Variants in SLFN12L observed in about 807,000 individuals in gnomAD.
SLFN12L encodes the protein schlafen family member 12-like.
SLFN12L carries 34 observed loss-of-function variants against 34.8 expected under a neutral mutation model. The ratio of observed to expected loss-of-function variants is 0.98; its 90% CI spans 0.74 to 1.30. The LOEUF (loss-of-function observed/expected upper bound fraction) is 1.30. SLFN12L is among the 50% of genes most tolerant of loss of function. The pLI, the probability that SLFN12L is intolerant of heterozygous loss-of-function variation, is 0.00. For synonymous variants in SLFN12L, 259 were observed against 247.5 expected (o/e 1.05, Z -0.44); for missense variants, 703 against 696.2 (o/e 1.01, Z -0.11).
Position 35,471,495 on chromosome 17 carries a change from G to A in SLFN12L, c.*3428C>T, listed in dbSNP as rs1044901710. 9.2e-5 allele frequency among the ~76,000 whole-genome samples: 14 copies of A among 152,138 alleles called. No individual in the cohort carries two copies. Among genetic ancestry groups the A allele is most frequent in the African/African-American group, 3.4e-4 (14 of 41,430 alleles). On this transcript the variant is annotated 3_prime_UTR_variant, in exon 5 of 5. Transcript: ENST00000628453. Reference sequence around the variant, plus strand: ...CCTTTGGGTATATACCCAGTAATGGGATTCCTGGGTCAAATGGTATTTCTG... The same window carrying A: ...CCTTTGGGTATATACCCAGTAATGGAATTCCTGGGTCAAATGGTATTTCTG...
chr17:35,488,418 T>C (rs1914696200), intron 2 of SLFN12L, among the ~76,000 whole-genome samples: 1 of 152,208 alleles, frequency 6.6e-6, no homozygotes, highest in East Asian at 1.9e-4. Context: ...CCTTGCGGTG[T>C]AGGAAGTATC....
chr17:35,479,399 C>G lies in SLFN12L; in HGVS notation c.883G>C (p.Glu295Gln), dbSNP rs1206098779. ...TCTAACTTAGTAAGATAACTCTTCTCTGCTTTAAAGCCAATTACTTCTTTA... is the reference window on the plus strand; with the variant it reads ...TCTAACTTAGTAAGATAACTCTTCTGTGCTTTAAAGCCAATTACTTCTTTA... Reference protein sequence around the residue: ...EDKEVIGFKAEKSYLTKLEEV... With the variant: ...EDKEVIGFKAQKSYLTKLEEV... Residue 295 changes from glutamate to glutamine, a missense_variant, in exon 3 of 5, where the codon GAG (glutamate) becomes CAG (glutamine). Physicochemically the swap from Glu to Gln is conservative, Grantham distance 29. Coordinates refer to ENST00000628453, the MANE Select transcript of SLFN12L (RefSeq NM_001363830.2). The G allele has an allele frequency of 2.5e-6, 4 of 1,611,222 alleles. No homozygotes were observed. Among genetic ancestry groups the G allele is most frequent in the Non-Finnish European group, 3.4e-6 (4 of 1,178,292 alleles).
chr17:35,472,634 A>G lies in SLFN12L; in HGVS notation c.*2289T>C, dbSNP rs569652241. 8.5e-5 allele frequency among the ~76,000 whole-genome samples: 13 copies of G among 152,348 alleles called. No homozygotes were observed. The highest frequency in any genetic ancestry group is 1.2e-4 in the Non-Finnish European group (8 of 68,030). On this transcript the variant is annotated 3_prime_UTR_variant, in exon 5 of 5. Transcript: ENST00000628453. ...TATACAAGGTCTTCTTTGATTCCAT[A>G]TGAAATTTAATTTCATTTAATTCTG... is the stretch of plus-strand genomic sequence containing the variant.
intron 2 of SLFN12L, among the ~76,000 whole-genome samples, chr17:35,488,163 C>A (rs1914681316): frequency 6.6e-6 from 1 of 152,160 alleles, no homozygotes; most frequent in South Asian, 2.1e-4. Flanking sequence ...GAGCCGAGAT[C>A]GTGCCACTAC....
chr17:35,498,176 C>T (rs1567667653), intron 2 of SLFN12L: 4 of 272,330 alleles, frequency 1.5e-5, no homozygotes, highest in Admixed American at 5.9e-5. Context: ...ATCCGGGAGG[C>T]GGCGGCGTGG....
intron 2 of SLFN12L, chr17:35,498,924 G>A: frequency 1.4e-6 from 1 of 721,720 alleles, no homozygotes; most frequent in East Asian, 2.9e-5. Context: ...GCAGAACGAT[G>A]CTGCCCTGGA....
chr17:35,504,691 C>T (rs1285342730), intron 2 of SLFN12L, among the ~76,000 whole-genome samples: 2 of 152,198 alleles, frequency 1.3e-5, no homozygotes, highest in South Asian at 4.1e-4. Flanking sequence ...CCCTGTGGGT[C>T]AGCCCCCAGG....
At position 35,464,995 on chromosome 17, in the gene SLFN12L, G is replaced by A. The variant is rs1913698958; in HGVS notation, c.*9928C>T. Reference sequence around the variant, plus strand: ...AGGTTCAAGTGATTCTCCTGCCTCAGCTTCCCAAGTAGCTGGGACTACGGG... The same window carrying A: ...AGGTTCAAGTGATTCTCCTGCCTCAACTTCCCAAGTAGCTGGGACTACGGG... On this transcript the variant is annotated 3_prime_UTR_variant, in exon 5 of 5. Transcript: ENST00000628453. 6.6e-6 allele frequency among the ~76,000 whole-genome samples: 1 copy of A among 152,146 alleles called. No homozygotes were observed. Among genetic ancestry groups the A allele is most frequent in the African/African-American group, 2.4e-5 (1 of 41,424 alleles).
intron 2 of SLFN12L, chr17:35,489,954 A>C (rs1375788511): frequency 7.2e-7 from 1 of 1,396,194 alleles, no homozygotes; most frequent in Non-Finnish European, 1.0e-6. Context: ...ACAACCAGTC[A>C]TGATTTTTAA....
Position 35,488,206 on chromosome 17 carries a change from C to G in SLFN12L, c.87-8011G>C, listed in dbSNP as rs144191984. ...CCTGGGCGACAGAGCAAGACTCCGT[C>G]TCAAAAAAAAATTGACGAAGGACCA... is the stretch of plus-strand genomic sequence containing the variant. On this transcript the variant is annotated intron_variant, in intron 2 of 4. Transcript: ENST00000628453. 6.6e-3 allele frequency among the ~76,000 whole-genome samples: 1,012 copies of G among 152,236 alleles called. 60 individuals are homozygous for G. The East Asian group carries it at 0.15, about 23-fold the overall frequency.
rs1427939080 is a variant in SLFN12L, at chr17:35,522,539, G to A, written c.-175C>T. ...ACCTGAAGCCGAGCAAGACAATCAC[G>A]AGGGACTGCAGCAGGGCTTCCAATG... On this transcript the variant is annotated 5_prime_UTR_variant, in exon 2 of 5. Coordinates refer to ENST00000628453, the MANE Select transcript of SLFN12L (RefSeq NM_001363830.2). The A allele has an allele frequency of 6.2e-6, 10 of 1,611,800 alleles. No homozygotes were observed. The highest frequency in any genetic ancestry group is 2.7e-5 in the African/African-American group (2 of 74,986).
chr17:35,485,502 T>A (rs558125918), intron 2 of SLFN12L, among the ~76,000 whole-genome samples: 2 of 152,268 alleles, frequency 1.3e-5, no homozygotes. Context: ...AGACTTTTGC[T>A]GTGCAGACGC....
chr17:35,481,621 G>A (rs1024049043), intron 2 of SLFN12L, among the ~76,000 whole-genome samples: 14 of 152,180 alleles, frequency 9.2e-5, no homozygotes, highest in Non-Finnish European at 1.9e-4. Context: ...ACCCTGCCCC[G>A]TTGTCTTGTA....
Position 35,498,883 on chromosome 17 carries a change from T to C in SLFN12L, c.87-18688A>G, listed in dbSNP as rs538137103. 19 of 696,594 alleles carry C rather than the reference T, an allele frequency of 2.7e-5. No individual in the cohort carries two copies. In the South Asian group the frequency reaches 2.9e-4, roughly 11 times the overall value. The allele number at this position is 696,594 out of a possible 1,614,324, so 43.2% of individuals were successfully genotyped here. On this transcript the variant is annotated intron_variant, in intron 2 of 4. Transcript: ENST00000628453. ...TCCTCCCGCAGTGAGAACAATTACTTGGAGGCCCCTGATATGCCCAGCCCT... is the reference window on the plus strand; with the variant it reads ...TCCTCCCGCAGTGAGAACAATTACTCGGAGGCCCCTGATATGCCCAGCCCT...
chr17:35,502,195 C>T (rs1373993424), intron 2 of SLFN12L, among the ~76,000 whole-genome samples: 3 of 151,936 alleles, frequency 2.0e-5, no homozygotes, highest in East Asian at 1.9e-4. Context: ...TCTCCATAAG[C>T]CTATAACACT....
chr17:35,492,543 G>C (rs765288087), intron 2 of SLFN12L, among the ~76,000 whole-genome samples: 1 of 152,204 alleles, frequency 6.6e-6, no homozygotes, highest in East Asian at 1.9e-4. Flanking sequence ...ACTGTGTTGG[G>C]GGCTGGAATA....
At chr17:35,475,856 T>A (rs1913977371) in intron 4 of SLFN12L, among the ~76,000 whole-genome samples, 1 of 150,968 alleles carries the variant, frequency 6.6e-6, no homozygotes, top group African/African-American at 2.4e-5. Context: ...GCTGAGATCA[T>A]GCCACTGCAC....
chr17:35,469,738 A>C lies in SLFN12L; in HGVS notation c.*5185T>G, dbSNP rs1207430352. Among the ~76,000 whole-genome samples, 1 of 152,012 alleles carries C rather than the reference A, an allele frequency of 6.6e-6. No individual in the cohort carries two copies. The highest frequency in any genetic ancestry group is 1.5e-5 in the Non-Finnish European group (1 of 68,002). On this transcript the variant is annotated 3_prime_UTR_variant, in exon 5 of 5. Transcript: ENST00000628453. ...TCTTTACATCCCCGCTGTGACCCAG[A>C]GCTCATACTCTAAGCTACTCACACA... is the stretch of plus-strand genomic sequence containing the variant.
At chr17:35,518,926 T>C (rs1321598206) in intron 2 of SLFN12L, among the ~76,000 whole-genome samples, 1 of 152,170 alleles carries the variant, frequency 6.6e-6, no homozygotes, top group Non-Finnish European at 1.5e-5. Context: ...CTATTTACAA[T>C]AGCAAAGACT....
Sources: allele counts gnomAD v4.1 joint callset (sites outside exome capture counted in the v4.1 genomes callset), GRCh38; gene constraint gnomAD v4.1.1; transcripts MANE v1.5; gene names NCBI Gene and HGNC (gene_info 2026-07-23, HGNC 2026-07-21).